Variants in PARD3B observed in about 807,000 individuals in gnomAD.
The protein encoded by PARD3B is par-3 family cell polarity regulator beta, also known as partitioning defective 3 homolog B.
Under a neutral mutation model 130.2 loss-of-function variants are expected in PARD3B, and 103 were observed. The ratio of observed to expected loss-of-function variants is 0.79; its 90% CI spans 0.67 to 0.93. PARD3B has a LOEUF of 0.93. Ranked by LOEUF, PARD3B falls within the 40% of genes least tolerant of loss-of-function variation. The probability of loss-of-function intolerance (pLI) is 0.00; values close to 1 mark genes in which losing one functional copy is unlikely to be tolerated. For synonymous variants in PARD3B, 583 were observed against 553.2 expected (o/e 1.05, Z -0.76); for missense variants, 1,609 against 1,499.2 (o/e 1.07, Z -1.21).
At chr2:204,916,938 A>C (rs966999036) in intron 2 of PARD3B, among the ~76,000 whole-genome samples, 1 of 152,226 alleles carries the variant, frequency 6.6e-6, no homozygotes, top group Non-Finnish European at 1.5e-5. Flanking sequence ...GGATGCATAG[A>C]ACAATGAATG....
At chr2:205,261,518 A>G (rs1024038738) in intron 16 of PARD3B, among the ~76,000 whole-genome samples, 20 of 152,292 alleles carry the variant, frequency 1.3e-4, no homozygotes, top group African/African-American at 3.8e-4. Context: ...TTTTGACAAG[A>G]CAATCCAATA....
rs200378525 is a variant in PARD3B, at chr2:205,246,240, T to C, written c.2185+418T>C. Among the ~76,000 whole-genome samples, 5 of 1,042 alleles carry C rather than the reference T, an allele frequency of 4.8e-3. No homozygotes were observed. In the Non-Finnish European group the frequency reaches 0.21, roughly 43 times the overall value. 0.7% of individuals were successfully genotyped at this position (1,042 alleles called of 152,430 possible). ...TCAAAAAAGAATAGGATTTTTTTTCTTTTTTTTTTTTCTGCCTGTCATCAA... is the reference window on the plus strand; with the variant it reads ...TCAAAAAAGAATAGGATTTTTTTTCCTTTTTTTTTTTCTGCCTGTCATCAA... On this transcript the variant is annotated intron_variant, in intron 16 of 22. Coordinates refer to ENST00000406610, the MANE Select transcript of PARD3B (RefSeq NM_001302769.2).
chr2:204,995,077 T>G (rs1473598000), intron 3 of PARD3B, among the ~76,000 whole-genome samples: 2 of 151,886 alleles, frequency 1.3e-5, no homozygotes, highest in Non-Finnish European at 2.9e-5. Flanking sequence ...TTAGTTCATT[T>G]ATATTTAAAG....
intron 1 of PARD3B, among the ~76,000 whole-genome samples, chr2:204,552,914 G>A (rs2030570767): frequency 6.6e-6 from 1 of 152,074 alleles, no homozygotes; most frequent in Non-Finnish European, 1.5e-5. Flanking sequence ...TTATAGTATA[G>A]TTTGAAATGA....
chr2:205,503,251 G>A (rs2050224946), intron 21 of PARD3B, among the ~76,000 whole-genome samples: 1 of 152,162 alleles, frequency 6.6e-6, no homozygotes, highest in Admixed American at 6.6e-5. Context: ...TGTGATAAAT[G>A]CTGTAGTATA....
At chr2:204,571,920 G>A (rs2032026393) in intron 1 of PARD3B, among the ~76,000 whole-genome samples, 1 of 152,188 alleles carries the variant, frequency 6.6e-6, no homozygotes, top group Admixed American at 6.6e-5. Flanking sequence ...ACATGTAAAT[G>A]TGACTTAAAA....
chr2:205,363,186 C>T (rs2044462214), intron 18 of PARD3B, among the ~76,000 whole-genome samples: 1 of 152,142 alleles, frequency 6.6e-6, no homozygotes, highest in Non-Finnish European at 1.5e-5. Flanking sequence ...TGCTGTAGCC[C>T]TGATGGGGCC....
Position 205,150,211 on chromosome 2 carries a change from C to CTGTGTG in PARD3B, c.1435-8474_1435-8469dup, listed in dbSNP as rs71409001. Among the ~76,000 whole-genome samples the CTGTGTG allele has an allele frequency of 2.7e-3, 361 of 134,264 alleles. 3 individuals carry two copies. The East Asian group carries it at 0.027, about 10-fold the overall frequency. 88.1% of individuals were successfully genotyped at this position (134,264 alleles called of 152,430 possible). On this transcript the variant is annotated intron_variant, in intron 10 of 22. Transcript: ENST00000406610. ...TTTCCCTTACTACGCCAGCCAGGCT[C>CTGTGTG]TGTGTGTGTGTGTGTGTGTGTGTGT...
intron 1 of PARD3B, among the ~76,000 whole-genome samples, chr2:204,625,509 T>C (rs1165067629): frequency 6.6e-6 from 1 of 152,346 alleles, no homozygotes; most frequent in East Asian, 1.9e-4. Flanking sequence ...ACTAAGTCTC[T>C]TGAAGCATTG....
intron 19 of PARD3B, among the ~76,000 whole-genome samples, chr2:205,406,860 G>A (rs750851553): frequency 9.2e-5 from 14 of 151,560 alleles, no homozygotes; most frequent in Non-Finnish European, 2.1e-4. Context: ...TAGTAGAGAT[G>A]GGGTTTCATC....
intron 1 of PARD3B, among the ~76,000 whole-genome samples, chr2:204,597,275 G>A (rs1450353802): frequency 1.3e-5 from 2 of 151,606 alleles, no homozygotes; most frequent in South Asian, 2.1e-4. Flanking sequence ...TTTTGGTAGC[G>A]ATCTTAATGA....
intron 2 of PARD3B, among the ~76,000 whole-genome samples, chr2:204,959,602 A>C (rs1690570149): frequency 6.6e-6 from 1 of 152,232 alleles, no homozygotes; most frequent in African/African-American, 2.4e-5. Context: ...CCAACAGTGT[A>C]AAAGTGTTTG....
At chr2:205,379,341 T>C (rs1014168217) in intron 18 of PARD3B, among the ~76,000 whole-genome samples, 3 of 152,126 alleles carry the variant, frequency 2.0e-5, no homozygotes, top group East Asian at 1.9e-4. Context: ...TTTCATGGGA[T>C]TGGCCTCCAG....
chr2:204,678,946 T>TA lies in PARD3B; in HGVS notation c.121-7234dup, dbSNP rs1289247982. Among the ~76,000 whole-genome samples, 1 of 152,178 alleles carries TA rather than the reference T, an allele frequency of 6.6e-6. No individual in the cohort carries two copies. Among genetic ancestry groups the TA allele is most frequent in the East Asian group, 1.9e-4 (1 of 5,188 alleles). ...CTAGAAGCCGCTTCATGCCTCTTTC[T>TA]ACTCACCACCCTTCCCCCTCACAAG... On this transcript the variant is annotated intron_variant, in intron 1 of 22. Coordinates refer to ENST00000406610, the MANE Select transcript of PARD3B (RefSeq NM_001302769.2). This position sits in a 1 kb window ranked among gnomAD's most constrained non-coding sequence, Gnocchi z 4.2.
At chr2:205,467,676 G>A (rs527366001) in intron 20 of PARD3B, among the ~76,000 whole-genome samples, 1 of 152,204 alleles carries the variant, frequency 6.6e-6, no homozygotes, top group Non-Finnish European at 1.5e-5. Context: ...AATCAGAAGT[G>A]GCTATTGGCT....
intron 18 of PARD3B, among the ~76,000 whole-genome samples, chr2:205,306,271 C>T (rs775643648): frequency 6.6e-6 from 1 of 152,130 alleles, no homozygotes; most frequent in Non-Finnish European, 1.5e-5. Context: ...GTTCTTTGAA[C>T]CACTGTTTGT....
chr2:204,854,079 G>T (rs1156617001), intron 2 of PARD3B, among the ~76,000 whole-genome samples: 1 of 152,100 alleles, frequency 6.6e-6, no homozygotes, highest in African/African-American at 2.4e-5. Context: ...AGAAAGAACA[G>T]AGCTTGGAGA....
intron 21 of PARD3B, among the ~76,000 whole-genome samples, chr2:205,522,276 A>T (rs998392973): frequency 2.6e-5 from 4 of 151,250 alleles, no homozygotes; most frequent in Admixed American, 2.6e-4. Flanking sequence ...ATAATAAGCT[A>T]ATGTTCTTTT....
At chr2:205,400,753 G>A (rs566766414) in intron 18 of PARD3B, among the ~76,000 whole-genome samples, 6 of 152,034 alleles carry the variant, frequency 3.9e-5, no homozygotes, top group South Asian at 2.1e-4. Context: ...ATAAAAGCAC[G>A]TGATATTGTG....
Sources: gnomAD v4.1 joint callset for allele counts (sites outside exome capture counted in the v4.1 genomes callset) on GRCh38, gnomAD v4.1.1 for gene constraint, Gnocchi (gnomAD v3.1) non-coding constraint, MANE v1.5 for transcripts, NCBI Gene and HGNC (gene_info 2026-07-23, HGNC 2026-07-21) for gene names.